Variants in ACTR10 observed in about 807,000 individuals in gnomAD.
The protein encoded by ACTR10 is actin related protein 10.
Under a neutral mutation model 56.2 loss-of-function variants are expected in ACTR10, and 43 were observed. The observed-to-expected ratio is 0.77, with a 90% CI of 0.60 to 0.99. The LOEUF (loss-of-function observed/expected upper bound fraction) is 0.99, where lower values mean the gene tolerates loss of function less well. Ranked by LOEUF, ACTR10 falls within the 50% of genes least tolerant of loss-of-function variation. The pLI is 0.00. For missense variants in ACTR10, 466 were observed against 507.8 expected, an observed-to-expected ratio of 0.92 and a Z score of 0.79; for synonymous variants, 170 against 176.3, an observed-to-expected ratio of 0.96 and a Z score of 0.28.
rs376052427 is a variant in ACTR10 at position 58,210,067 on chromosome 14, G to A, written c.342+960G>A. On this transcript the variant is annotated intron_variant, in intron 4 of 12. Transcript: ENST00000254286. ...TAAAGCAAAACAAGAAGTCGTGTCA[G>A]CTGTTATCTGAATAAAGTAGAATAT... Among the ~76,000 whole-genome samples the A allele has an allele frequency of 5.9e-5, 9 of 152,290 alleles. No individual in the cohort carries two copies. The East Asian group carries it at 1.5e-3, about 26-fold the overall frequency.
intron 8 of ACTR10, among the ~76,000 whole-genome samples, chr14:58,221,614 A>T (rs1263505522): frequency 6.6e-6 from 1 of 152,120 alleles, no homozygotes; most frequent in East Asian, 1.9e-4. Context: ...AAACAAAAAC[A>T]AAAACTAATA....
intron 10 of ACTR10, 63 bp downstream of exon 10, chr14:58,223,919 A>G: frequency 1.6e-6 from 2 of 1,279,202 alleles, no homozygotes; most frequent in Admixed American, 4.0e-5. Flanking sequence ...TTTTAAAAAT[A>G]TTTGTATGAG....
At chr14:58,200,407 T>G (rs1437183470) in intron 1 of ACTR10, 113 bp downstream of exon 1, 4 of 794,406 alleles carry the variant, frequency 5.0e-6, no homozygotes, top group African/African-American at 1.8e-5. Flanking sequence ...GGGCCTCCCC[T>G]TTTCTTCAAC....
At chr14:58,204,319 G>T (rs1888802208) in intron 2 of ACTR10, among the ~76,000 whole-genome samples, 1 of 152,096 alleles carries the variant, frequency 6.6e-6, no homozygotes, top group Non-Finnish European at 1.5e-5. Context: ...GGGAGGCGAA[G>T]CTTGCAGTGA....
At position 58,235,534 on chromosome 14, in the gene ACTR10, G is replaced by C. The variant is rs972777326; in HGVS notation, c.*983G>C. 7 of 152,072 alleles carry C rather than the reference G, an allele frequency of 4.6e-5. No homozygotes were observed. The highest frequency in any genetic ancestry group is 1.0e-4 in the Non-Finnish European group (7 of 67,998). 9.4% of individuals were successfully genotyped at this position (152,072 alleles called of 1,614,324 possible). On this transcript the variant is annotated 3_prime_UTR_variant, in exon 13 of 13. Coordinates refer to ENST00000254286, the MANE Select transcript of ACTR10 (RefSeq NM_018477.3). ...CAATGTCATTAATCTTTGCGTTTGT[G>C]CTTTATATCTTCTCAGGGCAGAGGT...
At chr14:58,224,480 C>T (rs185869978) in intron 10 of ACTR10, among the ~76,000 whole-genome samples, 130 of 152,174 alleles carry the variant, frequency 8.5e-4, no homozygotes, top group African/African-American at 2.9e-3. Flanking sequence ...CTCCTGACCT[C>T]AGGTGATCCA....
At chr14:58,200,671 C>T (rs1393587568) in intron 1 of ACTR10, among the ~76,000 whole-genome samples, 1 of 152,138 alleles carries the variant, frequency 6.6e-6, no homozygotes, top group Admixed American at 6.5e-5. Context: ...TGCTCGATGA[C>T]GAATTTCATC....
At chr14:58,213,753 C>T in intron 6 of ACTR10, 55 bp downstream of exon 6, 1 of 1,395,582 alleles carries the variant, frequency 7.2e-7, no homozygotes, top group Non-Finnish European at 1.0e-6. Flanking sequence ...AAAACAGTTG[C>T]TAATCTGTTT....
chr14:58,229,677 CAA>C (rs34465995), intron 10 of ACTR10, among the ~76,000 whole-genome samples: 28 of 106,894 alleles, frequency 2.6e-4, no homozygotes, highest in Admixed American at 2.9e-4. Context: ...GACTCTGTAT[CAA>C]AAAAAAAAAA....
chr14:58,221,624 A>G (rs558861563), intron 8 of ACTR10, among the ~76,000 whole-genome samples: 4 of 152,048 alleles, frequency 2.6e-5, no homozygotes, highest in African/African-American at 7.2e-5. Flanking sequence ...AAAAACTAAT[A>G]TGCAGCATAC....
Position 58,232,163 on chromosome 14 carries a change from T to C in ACTR10, c.968T>C (p.Ile323Thr), listed in dbSNP as rs1889553246. ...PGFLHRLLAE[I>T]RYLVEKPKYK... is the part of the protein sequence containing the mutation. ...TTTCTCCACAGATTGCTTGCAGAAA[T>C]AAGGTATTTGGTAGAAAAACCAAAA... is the stretch of plus-strand genomic sequence containing the variant. Residue 323 changes from isoleucine (I) to threonine (T), a missense_variant, in exon 12 of 13, where the codon ATA (isoleucine) becomes ACA (threonine). Coordinates refer to ENST00000254286, the MANE Select transcript of ACTR10 (RefSeq NM_018477.3). 6.2e-7 allele frequency: 1 copy of C among 1,613,786 alleles called. No homozygotes were observed. Among genetic ancestry groups the C allele is most frequent in the Non-Finnish European group, 8.5e-7 (1 of 1,179,912 alleles).
intron 3 of ACTR10, 103 bp from the exon 4 acceptor site, chr14:58,208,896 A>C (rs1328951930): frequency 2.9e-6 from 2 of 696,742 alleles, no homozygotes; most frequent in Admixed American, 2.6e-5. Flanking sequence ...TTGTGATAAA[A>C]TATCTTAAGC....
chr14:58,204,021 C>A (rs1252382494), intron 2 of ACTR10, among the ~76,000 whole-genome samples: 2 of 152,062 alleles, frequency 1.3e-5, no homozygotes, highest in Admixed American at 6.6e-5. Flanking sequence ...ATAATTGATG[C>A]CTCCACAAAA....
chr14:58,202,846 T>G lies in ACTR10; in HGVS notation c.78-9T>G, dbSNP rs368410761. ...CTATAAGTTGTTTCAATTTTCCATTTATTTGCAGGTGTGGATTTGCTGGAG... is the reference window on the plus strand; with the variant it reads ...CTATAAGTTGTTTCAATTTTCCATTGATTTGCAGGTGTGGATTTGCTGGAG... On this transcript the variant is annotated splice_polypyrimidine_tract_variant and intron_variant, in intron 1 of 12. Transcript: ENST00000254286. 6.1e-5 allele frequency: 96 copies of G among 1,578,844 alleles called. No homozygotes were observed. The African/African-American group carries it at 1.2e-3, about 19-fold the overall frequency.
chr14:58,200,441 C>G, intron 1 of ACTR10, 147 bp downstream of exon 1: 1 of 533,936 alleles, frequency 1.9e-6, no homozygotes. Context: ...AATAACAGCT[C>G]TTATTATTTC....
At chr14:58,218,338 A>G (rs1227845123) in intron 7 of ACTR10, among the ~76,000 whole-genome samples, 1 of 152,150 alleles carries the variant, frequency 6.6e-6, no homozygotes, top group Non-Finnish European at 1.5e-5. Flanking sequence ...AAGATAGGAA[A>G]TCTTCAAAAA....
intron 5 of ACTR10, among the ~76,000 whole-genome samples, chr14:58,211,965 T>C (rs1459205049): frequency 7.0e-6 from 1 of 142,896 alleles, no homozygotes; most frequent in Non-Finnish European, 1.5e-5. Context: ...ATACGTTTTT[T>C]CTTTTCTTTT....
At chr14:58,226,805 A>G (rs934475387) in intron 10 of ACTR10, among the ~76,000 whole-genome samples, 5 of 151,908 alleles carry the variant, frequency 3.3e-5, no homozygotes, top group African/African-American at 1.2e-4. Context: ...TCTCCATGTT[A>G]GTCAAGCTGG....
In ACTR10 at chr14:58,213,689, C is replaced by T; in HGVS notation, c.509C>T (p.Ala170Val). The change falls in exon 6 of 13, where the codon GCT becomes GTT. Residue 170 changes from alanine to valine, a missense_variant. Coordinates refer to ENST00000254286, the MANE Select transcript of ACTR10 (RefSeq NM_018477.3). ...CWGALPLGGK[A>V]LHKELETQLL... ...GGAGCACTACCCCTAGGAGGAAAAGCTCTTCACAAGTAAGTTTCTTGGAAT... is the reference window on the plus strand; with the variant it reads ...GGAGCACTACCCCTAGGAGGAAAAGTTCTTCACAAGTAAGTTTCTTGGAAT... 1 of 1,611,220 alleles carries T rather than the reference C, an allele frequency of 6.2e-7. No homozygotes were observed. Among genetic ancestry groups the T allele is most frequent in the Non-Finnish European group, 8.5e-7 (1 of 1,178,336 alleles).
Sources: gnomAD v4.1 joint callset for allele counts (sites outside exome capture counted in the v4.1 genomes callset) on GRCh38, gnomAD v4.1.1 for gene constraint, MANE v1.5 for transcripts, NCBI Gene and HGNC (gene_info 2026-07-23, HGNC 2026-07-21) for gene names.